VPS13B: variants seen among roughly 807,000 people sequenced by gnomAD.
The protein encoded by VPS13B is intermembrane lipid transfer protein VPS13B.
VPS13B carries 285 observed loss-of-function variants against 426.4 expected under a neutral mutation model. The ratio of observed to expected loss-of-function variants is 0.67; its 90% CI spans 0.61 to 0.74. The LOEUF is 0.74. Among genes scored for constraint, VPS13B ranks in the 30% least tolerant of loss-of-function variants. The pLI is 0.00. For missense variants in VPS13B, 4,537 were observed against 4,782.6 expected, an observed-to-expected ratio of 0.95 and a Z score of 1.51; for synonymous variants, 1,676 against 1,676.4, an observed-to-expected ratio of 1.00 and a Z score of 0.01.
intron 2 of VPS13B, among the ~76,000 whole-genome samples, chr8:99,016,980 T>TA (rs767075582): frequency 2.0e-5 from 3 of 152,220 alleles, no homozygotes; most frequent in Non-Finnish European, 4.4e-5. Flanking sequence ...TCTTTACTCA[T>TA]AAAGGTGTCT....
chr8:99,278,422 G>A (rs1211020358), intron 19 of VPS13B, among the ~76,000 whole-genome samples: 1 of 152,134 alleles, frequency 6.6e-6, no homozygotes, highest in African/African-American at 2.4e-5. Flanking sequence ...TATAAAAACA[G>A]TACTTTACAA....
intron 43 of VPS13B, among the ~76,000 whole-genome samples, chr8:99,807,677 TTGTGTGTGTGTG>T (rs144674961): frequency 2.7e-5 from 4 of 146,190 alleles, no homozygotes; most frequent in East Asian, 4.0e-4. Context: ...CAGGGTGTGT[TTGTGTGTGTGTG>T]TGTGTGTGTG....
intron 32 of VPS13B, among the ~76,000 whole-genome samples, chr8:99,576,823 A>G (rs1825799687): frequency 6.6e-6 from 1 of 152,202 alleles, no homozygotes; most frequent in Non-Finnish European, 1.5e-5. Context: ...TAAGTTATGG[A>G]CATCTACCCA....
chr8:99,617,055 C>G (rs1033987565), intron 33 of VPS13B, among the ~76,000 whole-genome samples: 10 of 152,134 alleles, frequency 6.6e-5, no homozygotes, highest in African/African-American at 2.4e-4. Flanking sequence ...TAGCATATTA[C>G]ATGAAGGCAG....
chr8:99,446,073 GC>G (rs1424431221), intron 23 of VPS13B, among the ~76,000 whole-genome samples: 1 of 152,116 alleles, frequency 6.6e-6, no homozygotes, highest in Non-Finnish European at 1.5e-5. Context: ...TTGGCCATGA[GC>G]CACATTTGCC....
At chr8:99,417,132 A>C (rs1816064905) in intron 21 of VPS13B, among the ~76,000 whole-genome samples, 2 of 152,070 alleles carry the variant, frequency 1.3e-5, no homozygotes, top group Admixed American at 1.3e-4. Flanking sequence ...TTTCTTTCCA[A>C]AAAAGCGTAG....
chr8:99,420,269 G>C (rs1816296034), intron 21 of VPS13B, among the ~76,000 whole-genome samples: 1 of 152,094 alleles, frequency 6.6e-6, no homozygotes, highest in Admixed American at 6.5e-5. Flanking sequence ...TAAGCCATTT[G>C]ATATCAAGTG....
intron 17 of VPS13B, among the ~76,000 whole-genome samples, chr8:99,260,099 A>G (rs1817965532): frequency 6.6e-6 from 1 of 152,120 alleles, no homozygotes. Flanking sequence ...GATTAAATGG[A>G]TTAAACAGCA....
intron 25 of VPS13B, among the ~76,000 whole-genome samples, chr8:99,487,128 A>G (rs76844144): frequency 0.019 from 2,902 of 151,252 alleles, 104 homozygotes; most frequent in African/African-American, 0.067. Flanking sequence ...AAAAAAACAG[A>G]GGACCAGGAA....
At chr8:99,729,945 G>T (rs1833522218) in intron 39 of VPS13B, among the ~76,000 whole-genome samples, 1 of 152,236 alleles carries the variant, frequency 6.6e-6, no homozygotes, top group South Asian at 2.1e-4. Context: ...GATAGGCAAA[G>T]GTTATGATAT....
At chr8:99,663,065 AG>A (rs778386386) in intron 35 of VPS13B, among the ~76,000 whole-genome samples, 104 of 152,152 alleles carry the variant, frequency 6.8e-4, no homozygotes, top group Non-Finnish European at 6.9e-4. Context: ...TCAAAAAAAA[AG>A]AAAAGAATTT....
chr8:99,368,304 G>C (rs562082091), intron 19 of VPS13B, among the ~76,000 whole-genome samples: 35 of 152,264 alleles, frequency 2.3e-4, no homozygotes, highest in African/African-American at 7.9e-4. Flanking sequence ...TTCAGTTGCA[G>C]TTCTAGCTCT....
intron 19 of VPS13B, among the ~76,000 whole-genome samples, chr8:99,344,842 T>C (rs1055598906): frequency 6.6e-6 from 1 of 152,140 alleles, no homozygotes; most frequent in Admixed American, 6.6e-5. Flanking sequence ...TTTTGATGCA[T>C]GGGAAATTTC....
chr8:99,741,150 CA>C (rs1297447426), intron 39 of VPS13B, among the ~76,000 whole-genome samples: 2 of 151,504 alleles, frequency 1.3e-5, no homozygotes, highest in East Asian at 3.9e-4. Context: ...AAATGGAAAA[CA>C]AAAAAAGGCA....
At chr8:99,338,789 G>T (rs951618458) in intron 19 of VPS13B, among the ~76,000 whole-genome samples, 3 of 151,984 alleles carry the variant, frequency 2.0e-5, no homozygotes, top group South Asian at 2.1e-4. Context: ...ATTAACAGAG[G>T]TTGTTACCAT....
intron 33 of VPS13B, among the ~76,000 whole-genome samples, chr8:99,603,220 C>T (rs531060094): frequency 2.5e-4 from 38 of 152,112 alleles, no homozygotes; most frequent in Non-Finnish European, 4.7e-4. Flanking sequence ...TCTAACATAA[C>T]CGAAAGTAAG....
At chr8:99,826,186 T>G (rs1356533198) in intron 51 of VPS13B, among the ~76,000 whole-genome samples, 1 of 152,244 alleles carries the variant, frequency 6.6e-6, no homozygotes, top group East Asian at 1.9e-4. Flanking sequence ...ATGATACTGA[T>G]TCTTCCTGTC....
At chr8:99,358,214 A>C (rs754952265) in intron 19 of VPS13B, among the ~76,000 whole-genome samples, 2 of 152,196 alleles carry the variant, frequency 1.3e-5, no homozygotes, top group Non-Finnish European at 2.9e-5. Flanking sequence ...CAGAAGATGA[A>C]TTGTGAGGAA....
At chr8:99,376,022 C>A (rs1320127442) in intron 19 of VPS13B, among the ~76,000 whole-genome samples, 1 of 152,176 alleles carries the variant, frequency 6.6e-6, no homozygotes, top group Admixed American at 6.5e-5. Flanking sequence ...TTTCGGCTCT[C>A]ATTCTTCAGC....
Sources: allele counts gnomAD v4.1 joint callset (sites outside exome capture counted in the v4.1 genomes callset), GRCh38; gene constraint gnomAD v4.1.1; transcripts MANE v1.5; gene names NCBI Gene and HGNC (gene_info 2026-07-23, HGNC 2026-07-21).